The following TMEM117 variants were observed in gnomAD, a reference collection of about 807,000 sequenced individuals.
TMEM117 encodes the protein transmembrane protein 117.
TMEM117 carries 27 observed loss-of-function variants against 52.4 expected under a neutral mutation model. That is an observed-to-expected ratio of 0.51 (90% CI 0.38 to 0.71). TMEM117 has a LOEUF of 0.71. TMEM117 is among the 30% of genes least tolerant of loss of function. The pLI, the probability that TMEM117 is intolerant of heterozygous loss-of-function variation, is 0.00. For missense variants in TMEM117, 556 were observed against 630.5 expected (o/e 0.88, Z 1.26); for synonymous variants, 215 against 206.3 (o/e 1.04, Z -0.36).
At chr12:43,922,837 C>G (rs1592366462) in intron 2 of TMEM117, among the ~76,000 whole-genome samples, 1 of 152,092 alleles carries the variant, frequency 6.6e-6, no homozygotes. Flanking sequence ...AGAAGTACCC[C>G]TTTTCTCAGC....
At chr12:43,862,398 C>T (rs1943506611) in intron 2 of TMEM117, among the ~76,000 whole-genome samples, 1 of 152,162 alleles carries the variant, frequency 6.6e-6, no homozygotes, top group African/African-American at 2.4e-5. Flanking sequence ...ACCTCATGAT[C>T]CACCTGCCTT....
the TMEM117 span, chr12:43,798,656 C>T: frequency 7.1e-7 from 1 of 1,417,672 alleles, no homozygotes; most frequent in South Asian, 1.3e-5. Flanking sequence ...AAGCCCTACT[C>T]AAATAATATG....
chr12:44,314,191 A>T (rs1014973182), intron 6 of TMEM117, among the ~76,000 whole-genome samples: 1 of 152,116 alleles, frequency 6.6e-6, no homozygotes, highest in African/African-American at 2.4e-5. Flanking sequence ...CATGGGGAAT[A>T]CTTCCAGCTT....
At chr12:44,169,315 A>G (rs1008316647) in intron 4 of TMEM117, among the ~76,000 whole-genome samples, 1 of 152,242 alleles carries the variant, frequency 6.6e-6, no homozygotes, top group Non-Finnish European at 1.5e-5. Context: ...CCAGCAATGC[A>G]CAAGGATTCC....
At chr12:44,278,126 G>A (rs1950537318) in intron 5 of TMEM117, among the ~76,000 whole-genome samples, 1 of 152,078 alleles carries the variant, frequency 6.6e-6, no homozygotes, top group South Asian at 2.1e-4. Flanking sequence ...TCTCCCTTTT[G>A]ATGAACCCAA....
chr12:44,265,552 G>A (rs1378664082), intron 5 of TMEM117, among the ~76,000 whole-genome samples: 1 of 152,136 alleles, frequency 6.6e-6, no homozygotes, highest in African/African-American at 2.4e-5. Flanking sequence ...GGAGACAAGT[G>A]AACCCGTTTG....
chr12:43,807,739 G>A, the TMEM117 span, among the ~76,000 whole-genome samples: 4 of 152,010 alleles, frequency 2.6e-5, no homozygotes, highest in Non-Finnish European at 5.9e-5. Flanking sequence ...AGTTAGGTTG[G>A]GACCACCCTG....
chr12:44,344,729 G>A (rs1340919440), intron 6 of TMEM117, among the ~76,000 whole-genome samples: 1 of 152,024 alleles, frequency 6.6e-6, no homozygotes, highest in East Asian at 1.9e-4. Context: ...GTAAACTGTT[G>A]GGGACAGAGT....
At chr12:44,299,825 A>C in intron 6 of TMEM117, 86 bp downstream of exon 6, 5 of 1,486,086 alleles carry the variant, frequency 3.4e-6, no homozygotes, top group Non-Finnish European at 4.6e-6. Flanking sequence ...GGCTCCATAA[A>C]TCTAAATAAG....
intron 3 of TMEM117, among the ~76,000 whole-genome samples, chr12:44,078,976 TC>T (rs1400891613): frequency 6.6e-6 from 1 of 151,710 alleles, no homozygotes; most frequent in East Asian, 1.9e-4. Flanking sequence ...GGTTTTCTGT[TC>T]TTGTGTTAGT....
At chr12:44,174,009 C>T (rs111902096) in intron 4 of TMEM117, among the ~76,000 whole-genome samples, 3 of 152,168 alleles carry the variant, frequency 2.0e-5, no homozygotes, top group African/African-American at 7.2e-5. Flanking sequence ...ATTCATGACC[C>T]ACTAGTAATT....
chr12:43,925,340 T>C (rs1479297229), intron 2 of TMEM117, among the ~76,000 whole-genome samples: 2 of 152,202 alleles, frequency 1.3e-5, no homozygotes, highest in African/African-American at 4.8e-5. Flanking sequence ...TTGGGTTAAA[T>C]GGTCACATTT....
At chr12:44,317,279 C>T (rs7303303) in intron 6 of TMEM117, among the ~76,000 whole-genome samples, 1,896 of 144,458 alleles carry the variant, frequency 0.013, 48 homozygotes, top group African/African-American at 0.048. Context: ...CCCTTTCTTT[C>T]CCTATTATAT....
chr12:44,191,061 G>A (rs1050158199), intron 4 of TMEM117, among the ~76,000 whole-genome samples: 2 of 151,744 alleles, frequency 1.3e-5, no homozygotes, highest in African/African-American at 2.4e-5. Flanking sequence ...ACAACTCAGC[G>A]TGACTAGGGA....
At chr12:44,079,709 A>G (rs1394444074) in intron 3 of TMEM117, among the ~76,000 whole-genome samples, 2 of 152,154 alleles carry the variant, frequency 1.3e-5, no homozygotes, top group Non-Finnish European at 2.9e-5. Flanking sequence ...CCAGAGAGGT[A>G]CTATTTTAAA....
chr12:44,381,063 C>T (rs893208226), intron 7 of TMEM117, among the ~76,000 whole-genome samples: 1 of 152,146 alleles, frequency 6.6e-6, no homozygotes, highest in East Asian at 1.9e-4. Context: ...TGAATTGTTG[C>T]ATCTGTTTAG....
chr12:44,333,883 C>A (rs1004550755), intron 6 of TMEM117, among the ~76,000 whole-genome samples: 1 of 151,872 alleles, frequency 6.6e-6, no homozygotes, highest in Non-Finnish European at 1.5e-5. Context: ...GACTGATCAA[C>A]CCCATGAAGA....
At chr12:44,135,596 A>G (rs1168930676) in intron 3 of TMEM117, among the ~76,000 whole-genome samples, 1 of 152,126 alleles carries the variant, frequency 6.6e-6, no homozygotes, top group Non-Finnish European at 1.5e-5. Flanking sequence ...AGAGAAAAAG[A>G]GGTGGTTGAA....
chr12:44,272,358 C>A (rs974698106), intron 5 of TMEM117, among the ~76,000 whole-genome samples: 3 of 151,924 alleles, frequency 2.0e-5, no homozygotes, highest in Non-Finnish European at 4.4e-5. Flanking sequence ...GCAACAAAAG[C>A]CAAAATTGAC....
Sources: allele counts gnomAD v4.1 joint callset (sites outside exome capture counted in the v4.1 genomes callset), GRCh38; gene constraint gnomAD v4.1.1; transcripts MANE v1.5; gene names NCBI Gene and HGNC (gene_info 2026-07-23, HGNC 2026-07-21).